The following CCDC117 variants were observed in gnomAD, a reference collection of about 807,000 sequenced individuals.
CCDC117 encodes coiled-coil domain-containing protein 117.
A neutral mutation model predicts 23.5 loss-of-function variants in CCDC117; 1 was observed. The observed-to-expected ratio is 0.04, with a 90% confidence interval of 0.02 to 0.20. The LOEUF is 0.20. Ranked by LOEUF, CCDC117 falls within the 10% of genes least tolerant of loss-of-function variation. The pLI is 1.00. For synonymous variants in CCDC117, 132 were observed against 124.8 expected, an observed-to-expected ratio of 1.06 and a Z score of -0.39; for missense variants, 383 against 348.2, an observed-to-expected ratio of 1.10 and a Z score of -0.80.
At position 28,783,500 on chromosome 22, in the gene CCDC117, T is replaced by TAA. The variant is rs1256348207; in HGVS notation, c.465-8_465-7insAA. On this transcript the variant is annotated splice_region_variant and splice_polypyrimidine_tract_variant and intron_variant, in intron 3 of 4. Coordinates refer to ENST00000249064, the MANE Select transcript of CCDC117 (RefSeq NM_173510.4). ...TTTTTCTTTCTTCTGCTGCCTTAATTGATTTAGGATAATTGATGAAGATGA... is the reference window on the plus strand; with the variant it reads ...TTTTTCTTTCTTCTGCTGCCTTAATTAAGATTTAGGATAATTGATGAAGATGA... The TAA allele has an allele frequency of 1.2e-6, 2 of 1,607,394 alleles. No homozygotes were observed. Among genetic ancestry groups the TAA allele is most frequent in the Non-Finnish European group, 1.7e-6 (2 of 1,178,242 alleles).
chr22:28,776,330 G>C (rs1418306662), intron 2 of CCDC117, among the ~76,000 whole-genome samples: 1 of 152,154 alleles, frequency 6.6e-6, no homozygotes, highest in Admixed American at 6.6e-5. Context: ...GAAGGCAGAG[G>C]TTACAGTGAG....
chr22:28,772,903 C>G lies in CCDC117; in HGVS notation c.54C>G (p.Asp18Glu). 1 of 1,231,012 alleles carries G rather than the reference C, an allele frequency of 8.1e-7. No homozygotes were observed. Among genetic ancestry groups the G allele is most frequent in the South Asian group, 3.7e-5 (1 of 27,138 alleles). 76.3% of individuals were successfully genotyped at this position (1,231,012 alleles called of 1,614,324 possible). Reference protein sequence around the residue: ...FSGLPLSGGSDFLQPPQPAFP... With the variant: ...FSGLPLSGGSEFLQPPQPAFP... The stretch of plus-strand genomic sequence containing the variant: ...GCCTCCCTCTGAGCGGCGGCTCGGA[C>G]TTCCTGCAGCCGCCGCAGCCGGCCT... Residue 18 changes from aspartate to glutamate, a missense_variant, in exon 1 of 5, where the codon GAC (aspartate) becomes GAG (glutamate). Asp to Glu is a conservative substitution (Grantham distance 45). Transcript: ENST00000249064.
At chr22:28,776,064 G>C (rs1243275036) in intron 2 of CCDC117, among the ~76,000 whole-genome samples, 2 of 152,116 alleles carry the variant, frequency 1.3e-5, no homozygotes, top group Non-Finnish European at 2.9e-5. Flanking sequence ...TCTTAAATAT[G>C]GGTAGGAGTG....
chr22:28,785,549 T>TC (rs1319183673), intron 4 of CCDC117, among the ~76,000 whole-genome samples: 2 of 152,172 alleles, frequency 1.3e-5, no homozygotes, highest in Non-Finnish European at 1.5e-5. Context: ...AGCATGTTTG[T>TC]CCAGTGTTTC....
rs1404977996 is a variant in CCDC117 at position 28,781,330 on chromosome 22, G to GTTTTTTTGTT, written c.464+162_464+163insTTTGTTTTTT. 5.3e-5 allele frequency among the ~76,000 whole-genome samples: 2 copies of GTTTTTTTGTT among 37,628 alleles called. 1 individual carries two copies. Among genetic ancestry groups the GTTTTTTTGTT allele is most frequent in the African/African-American group, 2.9e-4 (2 of 6,782 alleles). The allele number at this position is 37,628 out of a possible 152,430, so 24.7% of individuals were successfully genotyped here. ...AAAGTGTATTCGTTTTTGTTTTTTT[G>GTTTTTTTGTT]TTTTGTTTTTTTTTTTTTTTTTTTT... On this transcript the variant is annotated intron_variant, in intron 3 of 4. Coordinates refer to ENST00000249064, the MANE Select transcript of CCDC117 (RefSeq NM_173510.4).
Position 28,777,737 on chromosome 22 carries a change from T to C in CCDC117, c.240-3211T>C, listed in dbSNP as rs1367848558. On this transcript the variant is annotated intron_variant, in intron 2 of 4. Transcript: ENST00000249064. ...GTTAGTCAGGATGGTCTTGATTCCT[T>C]GACCTCATGATCCACCCGCCTCAGC... Among the ~76,000 whole-genome samples the C allele has an allele frequency of 2.0e-5, 3 of 151,922 alleles. No individual in the cohort carries two copies. In the South Asian group the frequency reaches 6.2e-4, roughly 31 times the overall value.
At chr22:28,785,941 AG>A (rs2031496709) in intron 4 of CCDC117, 147 bp from the exon 5 acceptor site, 30 of 594,552 alleles carry the variant, frequency 5.0e-5, no homozygotes, top group South Asian at 2.3e-4. Context: ...AAAAAAAAAA[AG>A]AAAGTAAAGA....
At chr22:28,783,839 C>G (rs117327764) in intron 4 of CCDC117, among the ~76,000 whole-genome samples, 194 bp downstream of exon 4, 1 of 152,098 alleles carries the variant, frequency 6.6e-6, no homozygotes, top group African/African-American at 2.4e-5. Flanking sequence ...GGGGAAGTGG[C>G]TGCCTTGCCT....
chr22:28,773,392 C>T (rs2031057400), intron 1 of CCDC117: 2 of 253,536 alleles, frequency 7.9e-6, no homozygotes, highest in Admixed American at 5.0e-5. Flanking sequence ...GCAAAGTATG[C>T]CAAGCATGGG....
At chr22:28,773,875 G>T in intron 2 of CCDC117, 97 bp downstream of exon 2, 2 of 924,600 alleles carry the variant, frequency 2.2e-6, no homozygotes, top group South Asian at 2.7e-5. Flanking sequence ...AACATTAGAT[G>T]AGTGTCTCTG....
At chr22:28,782,134 C>T (rs557523104) in intron 3 of CCDC117, among the ~76,000 whole-genome samples, 26 of 151,432 alleles carry the variant, frequency 1.7e-4, no homozygotes, top group African/African-American at 6.1e-4. Flanking sequence ...GACGGGATTT[C>T]GCCATGTTGC....
intron 3 of CCDC117, among the ~76,000 whole-genome samples, chr22:28,782,899 C>A (rs1470391794): frequency 3.9e-5 from 6 of 151,940 alleles, no homozygotes; most frequent in Non-Finnish European, 7.4e-5. Flanking sequence ...AAAGTGAATT[C>A]TTCTCATAGA....
intron 2 of CCDC117, among the ~76,000 whole-genome samples, chr22:28,776,445 T>A (rs558002749): frequency 6.6e-6 from 1 of 151,898 alleles, no homozygotes; most frequent in South Asian, 2.1e-4. Flanking sequence ...TTTTTTTCCC[T>A]GGAGTTTTGC....
At chr22:28,785,798 C>T (rs898733761) in intron 4 of CCDC117, among the ~76,000 whole-genome samples, 6 of 151,898 alleles carry the variant, frequency 4.0e-5, no homozygotes, top group East Asian at 3.9e-4. Flanking sequence ...TGGTATGTGC[C>T]TGTAGTCCTA....
At chr22:28,778,987 C>T (rs1471627865) in intron 2 of CCDC117, among the ~76,000 whole-genome samples, 1 of 152,012 alleles carries the variant, frequency 6.6e-6, no homozygotes. Context: ...ATTACCTGTT[C>T]CCTTTAGATT....
Position 28,772,819 on chromosome 22 carries a change from C to A in CCDC117, c.-31C>A. 1 of 1,220,916 alleles carries A rather than the reference C, an allele frequency of 8.2e-7. No homozygotes were observed. Among genetic ancestry groups the A allele is most frequent in the Non-Finnish European group, 1.0e-6 (1 of 980,558 alleles). 75.6% of individuals were successfully genotyped at this position (1,220,916 alleles called of 1,614,324 possible). On this transcript the variant is annotated 5_prime_UTR_variant, in exon 1 of 5. Transcript: ENST00000249064. ...GGCCTGGGGACGCGGGCGGCCGAGG[C>A]CGCCGTCGCAGCCTCCTCGTCTCGC...
chr22:28,781,948 C>A (rs1013941234), intron 3 of CCDC117, among the ~76,000 whole-genome samples: 3 of 147,868 alleles, frequency 2.0e-5, no homozygotes, highest in African/African-American at 7.5e-5. Context: ...CAGCCCCCCC[C>A]CTTTTTTTTT....
chr22:28,781,508 G>A (rs1302831037), intron 3 of CCDC117, among the ~76,000 whole-genome samples: 2 of 90,618 alleles, frequency 2.2e-5, no homozygotes, highest in African/African-American at 6.9e-5. Flanking sequence ...CCGCCACTAC[G>A]CCCGGCTAAT....
At chr22:28,778,871 G>T (rs908518945) in intron 2 of CCDC117, among the ~76,000 whole-genome samples, 7 of 152,146 alleles carry the variant, frequency 4.6e-5, no homozygotes, top group African/African-American at 1.7e-4. Context: ...GGACCTACAG[G>T]CATGAAATAA....
Sources: allele counts gnomAD v4.1 joint callset (sites outside exome capture counted in the v4.1 genomes callset), GRCh38; gene constraint gnomAD v4.1.1; transcripts MANE v1.5; gene names NCBI Gene and HGNC (gene_info 2026-07-23, HGNC 2026-07-21).